SNX4: variants seen among roughly 807,000 people sequenced by gnomAD.
SNX4 encodes sorting nexin-4.
In SNX4, 49 loss-of-function variants were observed where a neutral mutation model predicts 70.8. The observed-to-expected ratio is 0.69, with a 90% CI of 0.55 to 0.88. The LOEUF (loss-of-function observed/expected upper bound fraction) is 0.88. SNX4 is among the 40% of genes least tolerant of loss of function. The pLI, the probability that SNX4 is intolerant of heterozygous loss-of-function variation, is 0.00. For synonymous variants in SNX4, 206 were observed against 183.8 expected (o/e 1.12, Z -0.98); for missense variants, 528 against 544.8 (o/e 0.97, Z 0.31).
intron 5 of SNX4, among the ~76,000 whole-genome samples, chr3:125,494,120 T>C (rs557361600): frequency 6.6e-6 from 1 of 151,644 alleles, no homozygotes; most frequent in African/African-American, 2.4e-5. Flanking sequence ...TAAAGTAAGA[T>C]AACATTTCAA....
intron 6 of SNX4, among the ~76,000 whole-genome samples, chr3:125,486,486 C>T (rs550089618): frequency 2.0e-5 from 3 of 152,058 alleles, no homozygotes; most frequent in Non-Finnish European, 4.4e-5. Flanking sequence ...GATTGCCGGG[C>T]GTGGTGGCGG....
In SNX4 at chr3:125,460,867, T is replaced by A. The variant is rs9879494; in HGVS notation, c.855-7A>T. The stretch of plus-strand genomic sequence containing the variant: ...ATCAATAGAAGATGCATACCTGTTT[T>A]AAAAAAAAAAACACACATTGCATAG... On this transcript the variant is annotated splice_polypyrimidine_tract_variant and splice_region_variant and intron_variant, in intron 9 of 13. Transcript: ENST00000251775. The A allele has an allele frequency of 6.5e-3, 6,935 of 1,065,012 alleles. 233 individuals are homozygous for A. In the African/African-American group the frequency reaches 0.097, roughly 15 times the overall value. The allele number at this position is 1,065,012 out of a possible 1,614,324, so 66.0% of individuals were successfully genotyped here. A position where few individuals can be genotyped will look rare whatever the true frequency, so the allele number is the denominator to read the frequency against.
intron 1 of SNX4, among the ~76,000 whole-genome samples, chr3:125,513,430 A>T (rs188495425): frequency 1.3e-5 from 2 of 152,358 alleles, no homozygotes. Flanking sequence ...TCACAAAGTC[A>T]TCGGGAACAT....
chr3:125,457,144 C>A (rs773119626), intron 11 of SNX4, 122 bp downstream of exon 11: 1 of 685,296 alleles, frequency 1.5e-6, no homozygotes, highest in Non-Finnish European at 2.6e-6. Context: ...AAGGTTCAGC[C>A]GTCCTGAGTA....
At chr3:125,449,297 C>T (rs1232981307) in intron 13 of SNX4, 1 of 151,864 alleles carries the variant, frequency 6.6e-6, no homozygotes, top group Non-Finnish European at 1.5e-5. Context: ...TGACACACAC[C>T]TGTAATCCCA....
At chr3:125,491,365 A>G (rs1259261712) in intron 5 of SNX4, among the ~76,000 whole-genome samples, 1 of 152,242 alleles carries the variant, frequency 6.6e-6, no homozygotes, top group Non-Finnish European at 1.5e-5. Context: ...ATGAAACTAC[A>G]TAAAACACTA....
intron 9 of SNX4, among the ~76,000 whole-genome samples, chr3:125,466,839 C>T (rs927656751): frequency 1.3e-5 from 2 of 152,068 alleles, no homozygotes; most frequent in Admixed American, 6.6e-5. Flanking sequence ...AATCCCAGCA[C>T]TTTGGGAGGC....
intron 9 of SNX4, among the ~76,000 whole-genome samples, chr3:125,468,827 C>A (rs57719873): frequency 0.023 from 3,023 of 131,040 alleles, 105 homozygotes; most frequent in African/African-American, 0.082. Context: ...CCAGCCTGGG[C>A]AACAAAGTAA....
At chr3:125,474,009 A>C (rs963223237) in intron 8 of SNX4, among the ~76,000 whole-genome samples, 1 of 152,170 alleles carries the variant, frequency 6.6e-6, no homozygotes, top group African/African-American at 2.4e-5. Flanking sequence ...GTTAGAATGC[A>C]ATTTATCCAC....
intron 1 of SNX4, among the ~76,000 whole-genome samples, chr3:125,516,479 C>G (rs899870716): frequency 1.3e-4 from 20 of 152,138 alleles, no homozygotes; most frequent in African/African-American, 4.3e-4. Context: ...TTTGGCGGTG[C>G]AGTTTCCACA....
intron 9 of SNX4, among the ~76,000 whole-genome samples, chr3:125,462,924 C>G (rs1313500523): frequency 1.3e-5 from 2 of 152,338 alleles, no homozygotes; most frequent in South Asian, 4.1e-4. Context: ...AGGACTAACT[C>G]ATAGGCAGTA....
chr3:125,500,800 A>C (rs985021575), intron 2 of SNX4, among the ~76,000 whole-genome samples: 11 of 54,894 alleles, frequency 2.0e-4, no homozygotes, highest in Non-Finnish European at 3.3e-4. Context: ...ACTCCGTCTC[A>C]AAAAAAAAAA....
intron 2 of SNX4, 73 bp downstream of exon 2, chr3:125,504,550 A>G: frequency 1.4e-6 from 2 of 1,391,358 alleles, no homozygotes; most frequent in East Asian, 2.3e-5. Flanking sequence ...TCTGTTATAC[A>G]GCAGAGTCTG....
chr3:125,519,921 C>T (rs1935367081), intron 1 of SNX4, 111 bp downstream of exon 1: 13 of 1,080,402 alleles, frequency 1.2e-5, no homozygotes, highest in Non-Finnish European at 1.5e-5. Flanking sequence ...TGCTGGGCCT[C>T]CTCGGCCGAG....
At chr3:125,478,521 C>T (rs527909965) in intron 7 of SNX4, among the ~76,000 whole-genome samples, 1 of 151,574 alleles carries the variant, frequency 6.6e-6, no homozygotes, top group South Asian at 2.1e-4. Context: ...ACCTTTAACA[C>T]CACATATGAA....
intron 1 of SNX4, among the ~76,000 whole-genome samples, chr3:125,506,191 A>T (rs757506956): frequency 2.6e-5 from 4 of 152,162 alleles, no homozygotes; most frequent in Non-Finnish European, 5.9e-5. Context: ...GCAAATGCCT[A>T]GTTTTCAACA....
intron 10 of SNX4, among the ~76,000 whole-genome samples, chr3:125,458,814 C>CAAAAAA (rs71148180): frequency 2.9e-4 from 19 of 64,496 alleles, no homozygotes; most frequent in East Asian, 1.0e-3. Context: ...GACTCCGTCT[C>CAAAAAA]AAAAAAAAAA....
intron 2 of SNX4, 94 bp from the exon 3 acceptor site, chr3:125,498,288 T>C (rs903507524): frequency 8.5e-7 from 1 of 1,170,180 alleles, no homozygotes; most frequent in Admixed American, 2.5e-5. Flanking sequence ...TACAGAATGA[T>C]TATGAACCAG....
Position 125,462,308 on chromosome 3 carries a change from G to A in SNX4, c.855-1448C>T, listed in dbSNP as rs372013608. Reference sequence around the variant, plus strand: ...ATAGGCTGACTGTGACAAATCTAGTGACAAGAGAAAACTCGGTACTAAAGC... The same window carrying A: ...ATAGGCTGACTGTGACAAATCTAGTAACAAGAGAAAACTCGGTACTAAAGC... On this transcript the variant is annotated intron_variant, in intron 9 of 13. Transcript: ENST00000251775. Among the ~76,000 whole-genome samples, 27 of 152,208 alleles carry A rather than the reference G, an allele frequency of 1.8e-4. 1 individual carries two copies. In the South Asian group the frequency reaches 2.7e-3, roughly 15 times the overall value.
Sources: allele counts gnomAD v4.1 joint callset (sites outside exome capture counted in the v4.1 genomes callset), GRCh38; gene constraint gnomAD v4.1.1; transcripts MANE v1.5; gene names NCBI Gene and HGNC (gene_info 2026-07-23, HGNC 2026-07-21).